Variants in PER3 observed in about 807,000 individuals in gnomAD.
PER3 encodes period circadian regulator 3.
PER3 carries 107 observed loss-of-function variants against 127.2 expected under a neutral mutation model. The observed-to-expected ratio is 0.84, with a 90% CI of 0.72 to 0.99. The LOEUF is 0.99. PER3 is among the 50% of genes least tolerant of loss of function. PER3 has a pLI of 0.00. For synonymous variants in PER3, 618 were observed against 585.8 expected (o/e 1.05, Z -0.79); for missense variants, 1,560 against 1,525.8 (o/e 1.02, Z -0.37).
intron 11 of PER3, 24 bp downstream of exon 11, chr1:7,809,022 C>G (rs932073217): frequency 1.2e-5 from 13 of 1,122,330 alleles, no homozygotes; most frequent in African/African-American, 1.5e-5. Flanking sequence ...GTTAAAAATG[C>G]AAAGTTCCCT....
At chr1:7,807,749 A>AGGCAGTACAGTGTGGT (rs2097201151) in intron 10 of PER3, among the ~76,000 whole-genome samples, 1 of 152,186 alleles carries the variant, frequency 6.6e-6, no homozygotes, top group South Asian at 2.1e-4. Flanking sequence ...AGGTACCCAC[A>AGGCAGTACAGTGTGGT]GGCAGTACAG....
At chr1:7,830,694 G>C (rs1019000191) in intron 19 of PER3, among the ~76,000 whole-genome samples, 2 of 152,080 alleles carry the variant, frequency 1.3e-5, no homozygotes, top group Non-Finnish European at 2.9e-5. Flanking sequence ...TTTACATTGG[G>C]ATATCTAACT....
chr1:7,800,846 A>G (rs2097167668), intron 7 of PER3, among the ~76,000 whole-genome samples: 1 of 149,218 alleles, frequency 6.7e-6, no homozygotes. Flanking sequence ...AAAAAAAGAG[A>G]GAAAACTATT....
At chr1:7,807,428 A>G (rs765723116) in intron 10 of PER3, among the ~76,000 whole-genome samples, 1 of 152,174 alleles carries the variant, frequency 6.6e-6, no homozygotes, top group Non-Finnish European at 1.5e-5. Context: ...TCAGCATCCT[A>G]TGATTGTCTT....
chr1:7,838,858 G>A (rs775808590), intron 21 of PER3, among the ~76,000 whole-genome samples: 32 of 152,198 alleles, frequency 2.1e-4, no homozygotes, highest in Non-Finnish European at 4.6e-4. Flanking sequence ...TGAGTAGGCA[G>A]CATATATCTG....
rs756826229 is a variant in PER3, at chr1:7,810,592, A to T, written c.1522+4A>T. The T allele has an allele frequency of 8.1e-6, 13 of 1,605,326 alleles. No individual in the cohort carries two copies. Among genetic ancestry groups the T allele is most frequent in the Non-Finnish European group, 5.1e-6 (6 of 1,176,854 alleles). ...GGTGAGTCAGCGAATGGTGGTGGTG[A>T]GTCAGCCGGCAGCCCCAAGGATCTC... On this transcript the variant is annotated splice_donor_region_variant and intron_variant, in intron 13 of 21. Transcript: ENST00000377532.
At chr1:7,788,019 G>T (rs1283236388) in intron 4 of PER3, 26 bp from the exon 5 acceptor site, 1 of 1,512,372 alleles carries the variant, frequency 6.6e-7, no homozygotes, top group African/African-American at 1.4e-5. Context: ...CTCAATATTT[G>T]CATTTATTTT....
At chr1:7,786,124 C>T (rs368796890) in intron 3 of PER3, among the ~76,000 whole-genome samples, 6 of 152,222 alleles carry the variant, frequency 3.9e-5, no homozygotes, top group East Asian at 3.9e-4. Context: ...GGTGTGGTGG[C>T]GGGCGCCTGT....
At chr1:7,824,025 T>C (rs893544852) in intron 16 of PER3, among the ~76,000 whole-genome samples, 1 of 152,248 alleles carries the variant, frequency 6.6e-6, no homozygotes, top group Non-Finnish European at 1.5e-5. Flanking sequence ...AACACATTTC[T>C]AAATCTATGA....
chr1:7,819,761 TTC>T (rs1310687972), intron 14 of PER3, among the ~76,000 whole-genome samples: 1 of 151,582 alleles, frequency 6.6e-6, no homozygotes, highest in African/African-American at 2.4e-5. Context: ...TATGTAAACT[TTC>T]TTAAAACGTT....
At chr1:7,800,798 A>G (rs1048141272) in intron 7 of PER3, among the ~76,000 whole-genome samples, 18 of 146,124 alleles carry the variant, frequency 1.2e-4, no homozygotes, top group Admixed American at 7.7e-4. Context: ...CTGCACTCCA[A>G]CCTGGGGGAT....
chr1:7,837,221 T>C, intron 21 of PER3, 72 bp downstream of exon 21: 9 of 1,300,770 alleles, frequency 6.9e-6, no homozygotes, highest in Middle Eastern at 2.5e-4. Context: ...ATAGGTCGTG[T>C]TCTTGCATGA....
At chr1:7,786,272 A>G (rs1383649191) in intron 3 of PER3, among the ~76,000 whole-genome samples, 1 of 152,208 alleles carries the variant, frequency 6.6e-6, no homozygotes, top group African/African-American at 2.4e-5. Context: ...TAATAATGAT[A>G]AAAATGCAGT....
chr1:7,788,907 GAAAA>G (rs56279930), intron 5 of PER3, among the ~76,000 whole-genome samples: 2 of 141,730 alleles, frequency 1.4e-5, no homozygotes, highest in African/African-American at 5.2e-5. Flanking sequence ...TGTTTCTGGG[GAAAA>G]AAAAAAAAAA....
chr1:7,792,336 C>T (rs1053201700), intron 5 of PER3, among the ~76,000 whole-genome samples: 2 of 152,108 alleles, frequency 1.3e-5, no homozygotes, highest in African/African-American at 2.4e-5. Context: ...GGCAACCACC[C>T]CCATGATTCA....
rs186305097 is a variant in PER3, at chr1:7,804,372, C to T, written c.1136+524C>T. ...TGTAAAACTTTTTATATCAGCCTTC[C>T]GCCATCAAATTCCACTTGTTTGTGT... On this transcript the variant is annotated intron_variant, in intron 10 of 21. Transcript: ENST00000377532. 4.0e-5 allele frequency among the ~76,000 whole-genome samples: 6 copies of T among 148,834 alleles called. No individual in the cohort carries two copies. In the East Asian group the frequency reaches 7.8e-4, roughly 19 times the overall value.
chr1:7,842,719 A>G lies in PER3; in HGVS notation c.3597A>G (p.Thr1199=). The change falls in exon 22 of 22, where the codon ACA becomes ACG. Residue 1199 remains threonine, a synonymous_variant. Transcript: ENST00000377532. The part of the protein sequence containing the change: ...ENEDSADGAA[T]SCGQVLVEDS... Reference sequence around the variant, plus strand: ...AAGATTCAGCTGATGGTGCGGCCACATCCTGTGGTCAGGTTCTGGTAGAAG... The same window carrying G: ...AAGATTCAGCTGATGGTGCGGCCACGTCCTGTGGTCAGGTTCTGGTAGAAG... The G allele has an allele frequency of 6.2e-7, 1 of 1,613,582 alleles. No individual in the cohort carries two copies. The highest frequency in any genetic ancestry group is 8.5e-7 in the Non-Finnish European group (1 of 1,179,594).
Position 7,798,670 on chromosome 1 carries a change from GA to G in PER3, c.792del (p.Ala265LeufsTer6). On this transcript the variant is annotated frameshift_variant and splice_region_variant, in exon 7 of 22. Transcript: ENST00000377532. LOFTEE classifies it high-confidence loss of function. ...TVVEKIHSGY[E>X]APRIPVNKRI... ...GGTTGAAAAGATTCACTCTGGTTATGAAGGTAAGTCAGTAGATAAGATGCAG... is the reference window on the plus strand; with the variant it reads ...GGTTGAAAAGATTCACTCTGGTTATGAGGTAAGTCAGTAGATAAGATGCAG... 9.3e-6 allele frequency: 15 copies of G among 1,612,968 alleles called. No individual in the cohort carries two copies. The highest frequency in any genetic ancestry group is 1.3e-5 in the Non-Finnish European group (15 of 1,178,964).
In PER3 at chr1:7,842,894, A is replaced by C. The variant is rs2097398202; in HGVS notation, c.*139A>C. On this transcript the variant is annotated 3_prime_UTR_variant, in exon 22 of 22. Transcript: ENST00000377532. ...TTCTTCTTGATTTTTTAATACACGT[A>C]ATCTTTTTGAAGCAGACATTGTATA... is the stretch of plus-strand genomic sequence containing the variant. 1 of 570,978 alleles carries C rather than the reference A, an allele frequency of 1.8e-6. No homozygotes were observed. The highest frequency in any genetic ancestry group is 2.9e-6 in the Non-Finnish European group (1 of 342,252). The allele number at this position is 570,978 out of a possible 1,614,324, so 35.4% of individuals were successfully genotyped here. A position where few individuals can be genotyped will look rare whatever the true frequency, so the allele number is the denominator to read the frequency against.
Sources: allele counts gnomAD v4.1 joint callset (sites outside exome capture counted in the v4.1 genomes callset), GRCh38; gene constraint gnomAD v4.1.1; transcripts MANE v1.5; gene names NCBI Gene and HGNC (gene_info 2026-07-23, HGNC 2026-07-21).